OR7D2: variants seen among roughly 807,000 people sequenced by gnomAD.
OR7D2 encodes olfactory receptor family 7 subfamily D member 2, also known as olfactory receptor 7D2.
For synonymous variants in OR7D2, 158 were observed against 158.7 expected (o/e 1.00, Z 0.03); for missense variants, 370 against 384.1 (o/e 0.96, Z 0.31).
At chr19:9,184,829 C>T (rs990371376) in intron 2 of OR7D2, among the ~76,000 whole-genome samples, 1 of 151,862 alleles carries the variant, frequency 6.6e-6, no homozygotes, top group Admixed American at 6.6e-5. Context: ...TTTTTACAAT[C>T]AATATTATTC....
intron 2 of OR7D2, among the ~76,000 whole-genome samples, chr19:9,184,075 G>C (rs1258122249): frequency 6.8e-6 from 1 of 146,870 alleles, no homozygotes; most frequent in Non-Finnish European, 1.5e-5. Flanking sequence ...AGACATTATG[G>C]GAAATAGTGT....
rs755935536 is a variant in OR7D2, at chr19:9,183,955, C to CA, written c.-13-1776dup. On this transcript the variant is annotated intron_variant, in intron 2 of 2. Coordinates refer to ENST00000641288, the MANE Select transcript of OR7D2 (RefSeq NM_175883.4). ...CCTGGGCGACAGCAAGACTCCGTCT[C>CA]AAAAAAAAAAAAAAAAAAAAAAAAA... is the stretch of plus-strand genomic sequence containing the variant. 3.3e-3 allele frequency among the ~76,000 whole-genome samples: 65 copies of CA among 19,494 alleles called. 12 individuals carry two copies. The highest frequency in any genetic ancestry group is 7.1e-3 in the Admixed American group (7 of 982). 12.8% of individuals were successfully genotyped at this position (19,494 alleles called of 152,430 possible).
At position 9,185,821 on chromosome 19, in the gene OR7D2, C is replaced by T. The variant is rs1347557227; in HGVS notation, c.40C>T (p.Leu14Phe). The T allele has an allele frequency of 6.3e-7, 1 of 1,598,998 alleles. No homozygotes were observed. Among genetic ancestry groups the T allele is most frequent in the African/African-American group, 1.3e-5 (1 of 74,538 alleles). The stretch of plus-strand genomic sequence containing the variant: ...CCAAACAGGATTTTTAGAGTTTATC[C>T]TTCTCGGACTCTCTGAGGATCCAGA... ...GNQTGFLEFI[L>F]LGLSEDPELQ... The change falls in exon 3 of 3, where the codon CTT becomes TTT. Residue 14 changes from leucine to phenylalanine, a missense_variant. Leu to Phe is a conservative substitution (Grantham distance 22). Coordinates refer to ENST00000641288, the MANE Select transcript of OR7D2 (RefSeq NM_175883.4).
intron 2 of OR7D2, among the ~76,000 whole-genome samples, chr19:9,181,841 C>T (rs944709286): frequency 6.6e-6 from 1 of 152,054 alleles, no homozygotes; most frequent in Non-Finnish European, 1.5e-5. Context: ...GTTCCCTACT[C>T]TTTAAAGTTC....
Position 9,186,635 on chromosome 19 carries a change from T to G in OR7D2, c.854T>G (p.Leu285Trp), listed in dbSNP as rs746299240. ...ATGTACACTGTGGTCACCCCCATGT[T>G]GAACCCCTTCATCTACAGCCTGAGG... The part of the protein sequence containing the change: ...SVMYTVVTPM[L>W]NPFIYSLRNK... Residue 285 changes from leucine (L) to tryptophan (W), a missense_variant, in exon 3 of 3, where the codon TTG becomes TGG. By Grantham distance (61) the Leu-to-Trp change is moderately conservative. Transcript: ENST00000641288. 1 of 1,614,124 alleles carries G rather than the reference T, an allele frequency of 6.2e-7. No individual in the cohort carries two copies. The highest frequency in any genetic ancestry group is 8.5e-7 in the Non-Finnish European group (1 of 1,180,026).
chr19:9,181,983 T>G (rs1411090153), intron 2 of OR7D2, among the ~76,000 whole-genome samples: 1 of 152,166 alleles, frequency 6.6e-6, no homozygotes, highest in African/African-American at 2.4e-5. Flanking sequence ...AAAATCAGTG[T>G]TAAGATAGAT....
chr19:9,179,939 G>A (rs954387191), intron 1 of OR7D2, among the ~76,000 whole-genome samples: 1 of 151,682 alleles, frequency 6.6e-6, no homozygotes, highest in African/African-American at 2.4e-5. Flanking sequence ...GGAGGCAGAG[G>A]TTGCAGTGAG....
chr19:9,183,305 C>T (rs748148695), intron 2 of OR7D2, among the ~76,000 whole-genome samples: 6 of 152,146 alleles, frequency 3.9e-5, no homozygotes, highest in Non-Finnish European at 8.8e-5. Flanking sequence ...GACATGGTCT[C>T]GCCCTGTCAC....
intron 2 of OR7D2, chr19:9,182,899 A>T (rs61748333): frequency 0.024 from 9,023 of 382,606 alleles, 736 homozygotes; most frequent in African/African-American, 0.17. Context: ...CAGCAAATTG[A>T]CCTGGGCCAC....
Position 9,186,339 on chromosome 19 carries a change from G to A in OR7D2, c.558G>A (p.Gln186=). 2 of 1,613,998 alleles carry A rather than the reference G, an allele frequency of 1.2e-6. No individual in the cohort carries two copies. The highest frequency in any genetic ancestry group is 1.7e-6 in the Non-Finnish European group (2 of 1,179,982). Residue 186 remains glutamine, a synonymous_variant, in exon 3 of 3, where the codon CAG becomes CAA. Transcript: ENST00000641288. The part of the protein sequence containing the change: ...HFFCELTYIL[Q]LACSDTFLNS... ...TCTGCGAACTGACGTACATCCTCCA[G>A]CTGGCCTGCTCTGATACCTTCCTGA...
At chr19:9,185,165 A>G (rs549322664) in intron 2 of OR7D2, among the ~76,000 whole-genome samples, 22 of 152,338 alleles carry the variant, frequency 1.4e-4, no homozygotes, top group African/African-American at 5.3e-4. Context: ...TTTATGCTAC[A>G]TCAGTAGACT....
intron 2 of OR7D2, among the ~76,000 whole-genome samples, chr19:9,184,352 T>G (rs981239244): frequency 6.6e-6 from 1 of 152,088 alleles, no homozygotes; most frequent in African/African-American, 2.4e-5. Flanking sequence ...AGGTGGAGGT[T>G]GCAGTGAGCT....
intron 2 of OR7D2, among the ~76,000 whole-genome samples, chr19:9,181,985 A>G (rs1438193291): frequency 6.6e-6 from 1 of 152,196 alleles, no homozygotes; most frequent in African/African-American, 2.4e-5. Context: ...AATCAGTGTT[A>G]AGATAGATGG....
chr19:9,183,348 C>T (rs2051004963), intron 2 of OR7D2, among the ~76,000 whole-genome samples: 3 of 152,166 alleles, frequency 2.0e-5, no homozygotes. Flanking sequence ...AATCTCAGCT[C>T]ACTGCATCCT....
intron 2 of OR7D2, among the ~76,000 whole-genome samples, chr19:9,181,127 A>C (rs1420069943): frequency 2.0e-5 from 3 of 151,222 alleles, no homozygotes; most frequent in Non-Finnish European, 2.9e-5. Context: ...CCTGTCAAAA[A>C]AAAAATTGTT....
intron 2 of OR7D2, among the ~76,000 whole-genome samples, chr19:9,184,465 AAAT>A (rs1160494923): frequency 2.0e-5 from 3 of 152,022 alleles, no homozygotes; most frequent in Non-Finnish European, 2.9e-5. Flanking sequence ...CAAAAAATAA[AAAT>A]AATAAAATCA....
chr19:9,188,195 G>T lies in OR7D2; in HGVS notation c.*1475G>T, dbSNP rs918148839. Reference sequence around the variant, plus strand: ...CAACCTCCACCTCCCAGGTTCAAGCGATTCTCCTGCCTCAACCTCCTGAGT... The same window carrying T: ...CAACCTCCACCTCCCAGGTTCAAGCTATTCTCCTGCCTCAACCTCCTGAGT... On this transcript the variant is annotated 3_prime_UTR_variant, in exon 3 of 3. Coordinates refer to ENST00000641288, the MANE Select transcript of OR7D2 (RefSeq NM_175883.4). The T allele has an allele frequency of 1.3e-5, 2 of 152,080 alleles. No individual in the cohort carries two copies. The highest frequency in any genetic ancestry group is 2.9e-5 in the Non-Finnish European group (2 of 68,160). 9.4% of individuals were successfully genotyped at this position (152,080 alleles called of 1,614,324 possible).
chr19:9,186,889 G>C lies in OR7D2; in HGVS notation c.*169G>C. ...TAAGGGTGAAGTCTGAGCTTTTGGCGTACCAATTACCTGAATAGTGAACAT... is the reference window on the plus strand; with the variant it reads ...TAAGGGTGAAGTCTGAGCTTTTGGCCTACCAATTACCTGAATAGTGAACAT... On this transcript the variant is annotated 3_prime_UTR_variant, in exon 3 of 3. Coordinates refer to ENST00000641288, the MANE Select transcript of OR7D2 (RefSeq NM_175883.4). 2 of 544,776 alleles carry C rather than the reference G, an allele frequency of 3.7e-6. No homozygotes were observed. Among genetic ancestry groups the C allele is most frequent in the Non-Finnish European group, 6.4e-6 (2 of 312,970 alleles). The allele number at this position is 544,776 out of a possible 1,614,324, so 33.7% of individuals were successfully genotyped here. A position where few individuals can be genotyped will look rare whatever the true frequency, so the allele number is the denominator to read the frequency against.
chr19:9,180,002 T>TG (rs2050978929), intron 1 of OR7D2, among the ~76,000 whole-genome samples: 1 of 145,632 alleles, frequency 6.9e-6, no homozygotes, highest in African/African-American at 2.5e-5. Flanking sequence ...AAACTCCGTC[T>TG]AAAAAAAAAA....
Sources: allele counts gnomAD v4.1 joint callset (sites outside exome capture counted in the v4.1 genomes callset), GRCh38; gene constraint gnomAD v4.1.1; transcripts MANE v1.5; gene names NCBI Gene and HGNC (gene_info 2026-07-23, HGNC 2026-07-21).